Variants in RFX7 observed in about 807,000 individuals in gnomAD.
RFX7 encodes the protein DNA-binding protein RFX7.
Under a neutral mutation model 111.8 loss-of-function variants are expected in RFX7, and 26 were observed. The ratio of observed to expected loss-of-function variants is 0.23; its 90% confidence interval spans 0.17 to 0.32. The LOEUF is 0.32. RFX7 is among the 10% of genes least tolerant of loss of function. The pLI, the probability that RFX7 is intolerant of heterozygous loss-of-function variation, is 1.00. For missense variants in RFX7, 1,573 were observed against 1,772.9 expected, an observed-to-expected ratio of 0.89 and a Z score of 2.02; for synonymous variants, 624 against 624.4, an observed-to-expected ratio of 1.00 and a Z score of 0.01.
At chr15:56,230,352 T>C (rs1341471713) in intron 2 of RFX7, among the ~76,000 whole-genome samples, 2 of 152,232 alleles carry the variant, frequency 1.3e-5, no homozygotes, top group Admixed American at 6.5e-5. Context: ...TAGTGAAAGA[T>C]ATGGGATTGG....
At chr15:56,113,514 G>C (rs2041966131) in intron 5 of RFX7, among the ~76,000 whole-genome samples, 1 of 152,176 alleles carries the variant, frequency 6.6e-6, no homozygotes, top group South Asian at 2.1e-4. Flanking sequence ...GCGGTGAGGG[G>C]AGGAAAGAGC....
At chr15:56,200,177 C>T (rs751328214) in intron 2 of RFX7, among the ~76,000 whole-genome samples, 4 of 152,124 alleles carry the variant, frequency 2.6e-5, no homozygotes, top group Non-Finnish European at 4.4e-5. Flanking sequence ...GTTCCAAATA[C>T]AGGCAAATTT....
rs2041601843 is a variant in RFX7 at position 56,091,976 on chromosome 15, T to C, written c.*1369A>G. ...GGTTTTATGTTAGCTTTAAAAACAATGGCAATTTAAAAATCTCTTTGAAAG... is the reference window on the plus strand; with the variant it reads ...GGTTTTATGTTAGCTTTAAAAACAACGGCAATTTAAAAATCTCTTTGAAAG... On this transcript the variant is annotated 3_prime_UTR_variant, in exon 10 of 10. Transcript: ENST00000559447. 1 of 152,208 alleles carries C rather than the reference T, an allele frequency of 6.6e-6. No individual in the cohort carries two copies. Among genetic ancestry groups the C allele is most frequent in the Non-Finnish European group, 1.5e-5 (1 of 67,954 alleles). The allele number at this position is 152,208 out of a possible 1,614,324, so 9.4% of individuals were successfully genotyped here. A position where few individuals can be genotyped will look rare whatever the true frequency, so the allele number is the denominator to read the frequency against.
intron 5 of RFX7, among the ~76,000 whole-genome samples, chr15:56,138,744 C>G (rs2042343801): frequency 6.6e-6 from 1 of 152,112 alleles, no homozygotes; most frequent in Admixed American, 6.5e-5. Context: ...GATTTTGCAG[C>G]AGCTGGTACT....
intron 5 of RFX7, among the ~76,000 whole-genome samples, chr15:56,119,055 G>A (rs984739453): frequency 2.0e-5 from 3 of 151,898 alleles, no homozygotes; most frequent in Non-Finnish European, 1.5e-5. Flanking sequence ...TTTTTCTATA[G>A]AGTTGTTTGA....
At chr15:56,231,078 A>G (rs896632341) in intron 2 of RFX7, among the ~76,000 whole-genome samples, 5 of 152,190 alleles carry the variant, frequency 3.3e-5, no homozygotes, top group African/African-American at 4.8e-5. Flanking sequence ...CACAGAATAT[A>G]AGGCAAACAG....
Position 56,089,334 on chromosome 15 carries a change from T to C in RFX7, c.*4011A>G, listed in dbSNP as rs1429472167. 6.6e-6 allele frequency: 1 copy of C among 152,468 alleles called. No homozygotes were observed. Among genetic ancestry groups the C allele is most frequent in the African/African-American group, 2.4e-5 (1 of 41,402 alleles). 9.4% of individuals were successfully genotyped at this position (152,468 alleles called of 1,614,324 possible). A position where few individuals can be genotyped will look rare whatever the true frequency, so the allele number is the denominator to read the frequency against. ...CAGCCATCTTGTGACTATGAGGTAA[T>C]AGACACAGCAAAGCAAAGCTGAAGA... On this transcript the variant is annotated 3_prime_UTR_variant, in exon 10 of 10. Transcript: ENST00000559447.
intron 7 of RFX7, 96 bp from the exon 8 acceptor site, chr15:56,101,662 T>C: frequency 8.7e-7 from 1 of 1,143,450 alleles, no homozygotes; most frequent in East Asian, 2.6e-5. Context: ...GAAGATACAA[T>C]ATAAATCTGT....
intron 3 of RFX7, among the ~76,000 whole-genome samples, chr15:56,151,955 A>G (rs2141050004): frequency 6.6e-6 from 1 of 152,332 alleles, no homozygotes; most frequent in African/African-American, 2.4e-5. Context: ...ATCAAGAGAC[A>G]AAGAAGGGCA....
intron 2 of RFX7, among the ~76,000 whole-genome samples, chr15:56,194,689 A>C (rs1380714342): frequency 6.6e-6 from 1 of 151,988 alleles, no homozygotes; most frequent in Non-Finnish European, 1.5e-5. Context: ...GCCAGAAAAA[A>C]AGGAAATAAA....
In RFX7 at chr15:56,142,821, G is replaced by C. The variant is rs373494060; in HGVS notation, c.358C>G (p.Pro120Ala). 1.2e-6 allele frequency: 2 copies of C among 1,613,292 alleles called. No homozygotes were observed. Among genetic ancestry groups the C allele is most frequent in the African/African-American group, 1.3e-5 (1 of 74,866 alleles). ...TCCTGTTTGGGCAGTGAAGTCTCCG[G>C]ATGTTCCTCTAGGGTATTCCGAATC... ...SWIRNTLEEHPETSLPKQEVY... is the reference protein window; with the variant it reads ...SWIRNTLEEHAETSLPKQEVY... Residue 120 changes from proline to alanine, a missense_variant, in exon 5 of 10, where the codon CCG (proline) becomes GCG (alanine). By Grantham distance (27) the Pro-to-Ala change is conservative. This residue lies in a region of RFX7 where 191 missense variants were observed against 194.2 expected (regional missense o/e 0.98). Transcript: ENST00000559447.
intron 2 of RFX7, among the ~76,000 whole-genome samples, chr15:56,226,752 T>C (rs553570957): frequency 6.6e-6 from 1 of 152,296 alleles, no homozygotes; most frequent in South Asian, 2.1e-4. Flanking sequence ...ACCCACTACT[T>C]TTCAAGTTTG....
At chr15:56,115,660 C>G (rs758471581) in intron 5 of RFX7, among the ~76,000 whole-genome samples, 2 of 151,896 alleles carry the variant, frequency 1.3e-5, no homozygotes, top group Non-Finnish European at 2.9e-5. Flanking sequence ...GCATATAGGC[C>G]CGGCACGGTG....
intron 5 of RFX7, among the ~76,000 whole-genome samples, chr15:56,141,656 A>AATTATATATATATATATATATATATATAT (rs2042396650): frequency 1.2e-5 from 1 of 83,210 alleles, no homozygotes; most frequent in African/African-American, 6.6e-5. Context: ...GCTTACTCTA[A>AATTATATATATATATATATATATATATAT]ATATATATAT....
intron 5 of RFX7, among the ~76,000 whole-genome samples, chr15:56,130,467 A>G (rs2042197570): frequency 6.6e-6 from 1 of 152,156 alleles, no homozygotes; most frequent in South Asian, 2.1e-4. Context: ...AGAAAAAAGC[A>G]AAACGATAAT....
intron 2 of RFX7, among the ~76,000 whole-genome samples, chr15:56,232,925 G>A (rs2043582325): frequency 6.6e-6 from 1 of 152,166 alleles, no homozygotes; most frequent in Non-Finnish European, 1.5e-5. Flanking sequence ...CAAGTCTCTA[G>A]GGAGTTCCAA....
At chr15:56,177,385 A>T (rs11629674) in intron 3 of RFX7, among the ~76,000 whole-genome samples, 19,814 of 152,140 alleles carry the variant, frequency 0.13, 1,696 homozygotes, top group East Asian at 0.44. Flanking sequence ...ATGCTTAATT[A>T]TTTAGTCACT....
chr15:56,156,612 A>T (rs1567031023), intron 3 of RFX7, among the ~76,000 whole-genome samples: 1 of 151,280 alleles, frequency 6.6e-6, no homozygotes, highest in Non-Finnish European at 1.5e-5. Context: ...AGTGTCTGGT[A>T]ACAAAGAATG....
chr15:56,201,102 T>C (rs1362303476), intron 2 of RFX7, among the ~76,000 whole-genome samples: 1 of 152,192 alleles, frequency 6.6e-6, no homozygotes, highest in South Asian at 2.1e-4. Context: ...CTACGGACTA[T>C]ACCAGTGTCT....
Sources: gnomAD v4.1 joint callset for allele counts (sites outside exome capture counted in the v4.1 genomes callset) on GRCh38, gnomAD v4.1.1 for gene constraint, gnomAD v4.1.1 regional missense constraint, MANE v1.5 for transcripts, NCBI Gene and HGNC (gene_info 2026-07-23, HGNC 2026-07-21) for gene names.